The following CDH12 variants were observed in gnomAD, a reference collection of about 807,000 sequenced individuals.
CDH12 encodes the protein cadherin 12.
A neutral mutation model predicts 74.1 loss-of-function variants in CDH12; 41 were observed. The observed-to-expected ratio is 0.55, with a 90% CI of 0.43 to 0.72. The LOEUF (loss-of-function observed/expected upper bound fraction) is 0.72. Ranked by LOEUF, CDH12 falls within the 30% of genes least tolerant of loss-of-function variation. The probability of loss-of-function intolerance (pLI) is 0.00; values close to 1 mark genes in which losing one functional copy is unlikely to be tolerated. For synonymous variants in CDH12, 399 were observed against 355.0 expected (o/e 1.12, Z -1.39); for missense variants, 945 against 977.2 (o/e 0.97, Z 0.44).
At chr5:21,812,877 T>C (rs1222479833) in intron 9 of CDH12, among the ~76,000 whole-genome samples, 2 of 152,150 alleles carry the variant, frequency 1.3e-5, no homozygotes, top group Non-Finnish European at 2.9e-5. Context: ...CTCTAGTGGA[T>C]CCATATTTAG....
intron 3 of CDH12, among the ~76,000 whole-genome samples, chr5:22,314,135 G>A (rs1035045824): frequency 6.6e-6 from 1 of 152,164 alleles, no homozygotes; most frequent in Non-Finnish European, 1.5e-5. Context: ...AGCTTGAGAT[G>A]TGTGTTATAT....
At chr5:22,188,726 T>G (rs1439009587) in intron 4 of CDH12, among the ~76,000 whole-genome samples, 4 of 152,204 alleles carry the variant, frequency 2.6e-5, no homozygotes, top group Non-Finnish European at 1.5e-5. Flanking sequence ...TGTTTCATTA[T>G]CCTCAATTAA....
chr5:22,224,322 T>C (rs1752119432), intron 3 of CDH12, among the ~76,000 whole-genome samples: 1 of 152,006 alleles, frequency 6.6e-6, no homozygotes, highest in African/African-American at 2.4e-5. Context: ...TTATGTCCAT[T>C]TTACTGACAA....
intron 3 of CDH12, among the ~76,000 whole-genome samples, chr5:22,370,156 T>A (rs762393146): frequency 3.3e-5 from 5 of 152,182 alleles, no homozygotes; most frequent in Non-Finnish European, 7.4e-5. Flanking sequence ...AGTGTGCTTA[T>A]ATATTGCACA....
chr5:22,078,936 A>G (rs1419857908), intron 4 of CDH12, 74 bp from the exon 5 acceptor site: 2 of 677,142 alleles, frequency 3.0e-6, no homozygotes, highest in Non-Finnish European at 4.0e-6. Flanking sequence ...CGCTCATTAT[A>G]TCTGCCAACA....
At chr5:22,008,028 G>T (rs1737068220) in intron 5 of CDH12, among the ~76,000 whole-genome samples, 1 of 152,120 alleles carries the variant, frequency 6.6e-6, no homozygotes, top group Admixed American at 6.6e-5. Context: ...TATGGATTTT[G>T]TATTCATTAG....
At chr5:21,841,697 T>C (rs1749862948) in intron 8 of CDH12, among the ~76,000 whole-genome samples, 1 of 152,048 alleles carries the variant, frequency 6.6e-6, no homozygotes, top group South Asian at 2.1e-4. Flanking sequence ...GATGAGTTCA[T>C]GTCCTTTGTC....
intron 5 of CDH12, among the ~76,000 whole-genome samples, chr5:22,051,960 T>C (rs1740401802): frequency 6.6e-6 from 1 of 152,198 alleles, no homozygotes; most frequent in Non-Finnish European, 1.5e-5. Flanking sequence ...TCCTTCATAA[T>C]TTCCAAGAGC....
chr5:22,706,114 T>A (rs1742995967), intron 1 of CDH12, among the ~76,000 whole-genome samples: 1 of 152,052 alleles, frequency 6.6e-6, no homozygotes, highest in South Asian at 2.1e-4. Flanking sequence ...ACTTTACAGA[T>A]AAAATGTAGT....
At chr5:21,860,401 T>C (rs1750983109) in intron 6 of CDH12, among the ~76,000 whole-genome samples, 2 of 151,056 alleles carry the variant, frequency 1.3e-5, no homozygotes, top group South Asian at 2.1e-4. Context: ...TATGTATGAC[T>C]TCAGGAGTTG....
intron 4 of CDH12, among the ~76,000 whole-genome samples, chr5:22,089,432 CATT>C (rs1743283774): frequency 6.6e-6 from 1 of 151,922 alleles, no homozygotes; most frequent in African/African-American, 2.4e-5. Flanking sequence ...GTCAAAGTAA[CATT>C]ATAAACATCT....
intron 1 of CDH12, among the ~76,000 whole-genome samples, chr5:22,695,613 T>G (rs1742318688): frequency 6.6e-6 from 1 of 152,224 alleles, no homozygotes; most frequent in Admixed American, 6.5e-5. Context: ...GTGTTAAATC[T>G]TTATTATTCT....
At chr5:21,978,654 T>C (rs1305510387) in intron 5 of CDH12, among the ~76,000 whole-genome samples, 1 of 152,196 alleles carries the variant, frequency 6.6e-6, no homozygotes, top group Non-Finnish European at 1.5e-5. Flanking sequence ...TTTTTCAAAA[T>C]TACTTTTTTA....
intron 4 of CDH12, among the ~76,000 whole-genome samples, chr5:22,099,674 T>C (rs569810059): frequency 2.0e-5 from 3 of 152,194 alleles, no homozygotes; most frequent in African/African-American, 7.2e-5. Flanking sequence ...ACTGTTTCTC[T>C]AAGCCATCAC....
In CDH12 at chr5:22,140,013, C is replaced by T. The variant is rs984724930; in HGVS notation, c.-186-61151G>A. On this transcript the variant is annotated intron_variant, in intron 4 of 14. Transcript: ENST00000382254. ...ACAAATGGAAGGCAGCTGCACCAAA[C>T]GGCCTTTCAGAAACGTGTTGCCAAA... Among the ~76,000 whole-genome samples the T allele has an allele frequency of 5.3e-5, 8 of 152,032 alleles. No homozygotes were observed. In the South Asian group the frequency reaches 6.2e-4, roughly 12 times the overall value.
At chr5:21,883,698 C>T (rs529810568) in intron 6 of CDH12, 25 of 1,610,030 alleles carry the variant, frequency 1.6e-5, no homozygotes, top group East Asian at 4.5e-5. Context: ...ACTTGAAAAA[C>T]GTATTCAAGA....
chr5:22,200,787 A>T (rs777760129), intron 4 of CDH12, among the ~76,000 whole-genome samples: 5 of 152,212 alleles, frequency 3.3e-5, no homozygotes, highest in African/African-American at 1.2e-4. Context: ...GAAGAAGATC[A>T]CTAACTATTC....
chr5:21,896,670 T>TAAG (rs10679566), intron 6 of CDH12, among the ~76,000 whole-genome samples: 113,498 of 151,946 alleles, frequency 0.75, 44,428 homozygotes, highest in Non-Finnish European at 0.86. Context: ...AAGAATCAAG[T>TAAG]AAGACTGACA....
intron 6 of CDH12, among the ~76,000 whole-genome samples, chr5:21,892,272 T>C (rs2150045306): frequency 6.6e-6 from 1 of 152,290 alleles, no homozygotes; most frequent in Middle Eastern, 3.4e-3. Context: ...TTTAGTCATG[T>C]AGATGTTCGG....
Sources: allele counts gnomAD v4.1 joint callset (sites outside exome capture counted in the v4.1 genomes callset), GRCh38; gene constraint gnomAD v4.1.1; transcripts MANE v1.5; gene names NCBI Gene and HGNC (gene_info 2026-07-23, HGNC 2026-07-21).